Variants in SLIT3 observed in about 807,000 individuals in gnomAD.
SLIT3 encodes the protein slit homolog 3 protein.
Under a neutral mutation model 184.0 loss-of-function variants are expected in SLIT3, and 68 were observed. The observed-to-expected ratio is 0.37, with a 90% CI of 0.30 to 0.45. The LOEUF is 0.45. SLIT3 is among the 20% of genes least tolerant of loss of function. The pLI is 1.00. For synonymous variants in SLIT3, 831 were observed against 828.6 expected (o/e 1.00, Z -0.05); for missense variants, 1,707 against 2,026.0 (o/e 0.84, Z 3.02).
intron 4 of SLIT3, among the ~76,000 whole-genome samples, chr5:169,008,515 A>C (rs17666750): frequency 0.17 from 25,465 of 152,078 alleles, 2,304 homozygotes; most frequent in East Asian, 0.41. Context: ...ACGAGATAAG[A>C]CCTGCAGTCC....
chr5:169,215,320 G>A (rs1195659238), intron 3 of SLIT3, among the ~76,000 whole-genome samples: 1 of 152,114 alleles, frequency 6.6e-6, no homozygotes, highest in Non-Finnish European at 1.5e-5. Flanking sequence ...TCAGCCTCTA[G>A]GTCTCAGCTG....
At position 168,823,403 on chromosome 5, in the gene SLIT3, C is replaced by G. The variant is rs567359736; in HGVS notation, c.558-72G>C. The G allele has an allele frequency of 1.1e-4, 116 of 1,088,920 alleles. No individual in the cohort carries two copies. The African/African-American group carries it at 1.6e-3, about 15-fold the overall frequency. The allele number at this position is 1,088,920 out of a possible 1,614,324, so 67.5% of individuals were successfully genotyped here. A position where few individuals can be genotyped will look rare whatever the true frequency, so the allele number is the denominator to read the frequency against. On this transcript the variant is annotated intron_variant, in intron 6 of 35. Coordinates refer to ENST00000519560, the MANE Select transcript of SLIT3 (RefSeq NM_003062.4). ...AGGCACCAAGATGCTTGTAGTAGGT[C>G]GGGGGAGGGATGGTTGTGACCGCAA... is the stretch of plus-strand genomic sequence containing the variant.
intron 3 of SLIT3, among the ~76,000 whole-genome samples, chr5:169,239,387 A>G (rs188990327): frequency 3.3e-4 from 51 of 152,248 alleles, no homozygotes; most frequent in Non-Finnish European, 5.6e-4. Context: ...ATGAGTTTGT[A>G]TTAAGTTGCT....
Position 168,799,628 on chromosome 5 carries a change from C to T in SLIT3, c.936-4050G>A, listed in dbSNP as rs986650490. ...CCAGGGAGCCTGGCAGGGGCACGGC[C>T]GGCACAGGGGCATGTCTGCAAGTCA... On this transcript the variant is annotated intron_variant, in intron 9 of 35. Coordinates refer to ENST00000519560, the MANE Select transcript of SLIT3 (RefSeq NM_003062.4). Among the ~76,000 whole-genome samples, 133 of 152,216 alleles carry T rather than the reference C, an allele frequency of 8.7e-4. 1 individual carries two copies. Among genetic ancestry groups the T allele is most frequent in the Admixed American group, 3.3e-4 (5 of 15,292 alleles).
intron 4 of SLIT3, among the ~76,000 whole-genome samples, chr5:169,049,449 G>A (rs183624422): frequency 3.3e-4 from 50 of 152,178 alleles, no homozygotes; most frequent in Admixed American, 1.8e-3. Flanking sequence ...AGGTTATGCC[G>A]TTAACGTCTC....
intron 4 of SLIT3, among the ~76,000 whole-genome samples, chr5:169,103,218 C>T (rs906071228): frequency 2.0e-5 from 3 of 152,178 alleles, no homozygotes; most frequent in Admixed American, 6.5e-5. Flanking sequence ...CACAAAATAG[C>T]TCGGAAATAG....
chr5:168,987,707 A>T (rs1939516317), intron 4 of SLIT3, among the ~76,000 whole-genome samples: 1 of 152,258 alleles, frequency 6.6e-6, no homozygotes, highest in African/African-American at 2.4e-5. Context: ...AGAGGCATTT[A>T]GTCCTCTGTG....
chr5:169,028,643 C>T (rs1233304981), intron 4 of SLIT3, among the ~76,000 whole-genome samples: 1 of 152,230 alleles, frequency 6.6e-6, no homozygotes, highest in Non-Finnish European at 1.5e-5. Flanking sequence ...CATTTATTTG[C>T]ACATGTCCAC....
At chr5:168,698,401 G>A (rs1554133155) in intron 27 of SLIT3, among the ~76,000 whole-genome samples, 1 of 152,152 alleles carries the variant, frequency 6.6e-6, no homozygotes, top group Non-Finnish European at 1.5e-5. Context: ...AGCAGACACA[G>A]AGAGAGCACT....
At chr5:168,966,337 T>C (rs1763192519) in intron 4 of SLIT3, among the ~76,000 whole-genome samples, 1 of 152,074 alleles carries the variant, frequency 6.6e-6, no homozygotes, top group South Asian at 2.1e-4. Context: ...CGCTGGATTT[T>C]TTTTTTTTTT....
At chr5:169,080,407 T>TG (rs1263290894) in intron 4 of SLIT3, among the ~76,000 whole-genome samples, 2 of 152,124 alleles carry the variant, frequency 1.3e-5, no homozygotes, top group Non-Finnish European at 2.9e-5. Context: ...TAAGGTAATC[T>TG]GGGGAGGTGG....
intron 14 of SLIT3, among the ~76,000 whole-genome samples, chr5:168,765,262 G>T (rs2113515048): frequency 6.6e-6 from 1 of 152,320 alleles, no homozygotes; most frequent in South Asian, 2.1e-4. Context: ...GCTCTCAGTA[G>T]TATAGTTAGA....
chr5:169,115,185 C>A (rs906448876), intron 4 of SLIT3, among the ~76,000 whole-genome samples: 1 of 152,156 alleles, frequency 6.6e-6, no homozygotes, highest in African/African-American at 2.4e-5. Context: ...ACTTTCTCAT[C>A]TCTGGTCTAG....
chr5:169,281,887 G>A (rs1425146590), intron 1 of SLIT3, among the ~76,000 whole-genome samples: 1 of 152,212 alleles, frequency 6.6e-6, no homozygotes, highest in East Asian at 1.9e-4. Context: ...CCCCCCAGGG[G>A]ACATTTGGCA....
At chr5:169,231,951 CTCTA>C (rs1490347117) in intron 3 of SLIT3, among the ~76,000 whole-genome samples, 1 of 152,166 alleles carries the variant, frequency 6.6e-6, no homozygotes, top group Non-Finnish European at 1.5e-5. Flanking sequence ...TTGGCCACTT[CTCTA>C]TCTTCTTTTG....
chr5:168,839,462 G>A (rs541425848), intron 6 of SLIT3, among the ~76,000 whole-genome samples: 4 of 152,272 alleles, frequency 2.6e-5, no homozygotes, highest in East Asian at 3.9e-4. Flanking sequence ...CAGAAATGCC[G>A]GCCCACAGTT....
chr5:169,198,143 T>C (rs1206987986), intron 3 of SLIT3, among the ~76,000 whole-genome samples: 2 of 152,222 alleles, frequency 1.3e-5, no homozygotes, highest in Non-Finnish European at 2.9e-5. Context: ...AGTTTTTCAA[T>C]ATGAACATAC....
At chr5:169,123,490 G>A (rs771971573) in intron 4 of SLIT3, among the ~76,000 whole-genome samples, 14 of 152,084 alleles carry the variant, frequency 9.2e-5, no homozygotes, top group Non-Finnish European at 1.6e-4. Context: ...AATTAAAAGC[G>A]CAAACCATAG....
chr5:168,672,876 T>C (rs965225687), intron 33 of SLIT3, among the ~76,000 whole-genome samples: 15 of 152,178 alleles, frequency 9.9e-5, no homozygotes, highest in African/African-American at 3.4e-4. Context: ...GAATATGACC[T>C]GAAGCTGGCA....
Sources: gnomAD v4.1 joint callset for allele counts (sites outside exome capture counted in the v4.1 genomes callset) on GRCh38, gnomAD v4.1.1 for gene constraint, MANE v1.5 for transcripts, NCBI Gene and HGNC (gene_info 2026-07-23, HGNC 2026-07-21) for gene names.